PPFIA2: variants seen among roughly 807,000 people sequenced by gnomAD.
The protein encoded by PPFIA2 is PPFI scaffold protein A2.
Under a neutral mutation model 175.5 loss-of-function variants are expected in PPFIA2, and 46 were observed. The ratio of observed to expected loss-of-function variants is 0.26; its 90% CI spans 0.21 to 0.34. The LOEUF (loss-of-function observed/expected upper bound fraction) is 0.34. Among genes scored for constraint, PPFIA2 ranks in the 10% least tolerant of loss-of-function variants. PPFIA2 has a pLI of 1.00. For missense variants in PPFIA2, 1,179 were observed against 1,506.1 expected, an observed-to-expected ratio of 0.78 and a Z score of 3.60; for synonymous variants, 568 against 511.4, an observed-to-expected ratio of 1.11 and a Z score of -1.49.
At chr12:81,355,213 G>A (rs533968186) in intron 16 of PPFIA2, among the ~76,000 whole-genome samples, 108 of 152,262 alleles carry the variant, frequency 7.1e-4, no homozygotes, top group African/African-American at 2.4e-3. Context: ...CAGAGCTCTT[G>A]GGTGGCCAGG....
At chr12:81,735,369 C>T (rs938575799) in intron 3 of PPFIA2, among the ~76,000 whole-genome samples, 1 of 151,744 alleles carries the variant, frequency 6.6e-6, no homozygotes, top group Non-Finnish European at 1.5e-5. Context: ...ATATCTTCAT[C>T]TGCTTATTGA....
chr12:81,703,006 T>C (rs868495315), intron 3 of PPFIA2, among the ~76,000 whole-genome samples: 3 of 152,258 alleles, frequency 2.0e-5, no homozygotes, highest in Middle Eastern at 3.4e-3. Context: ...AAATGTCTGT[T>C]GTTTAAGCCA....
At chr12:81,429,713 C>T (rs545394179) in intron 7 of PPFIA2, among the ~76,000 whole-genome samples, 4 of 152,130 alleles carry the variant, frequency 2.6e-5, no homozygotes, top group African/African-American at 9.6e-5. Context: ...ACAACTTTAG[C>T]TCAATATTTG....
intron 3 of PPFIA2, among the ~76,000 whole-genome samples, chr12:81,732,403 AG>A (rs1159429406): frequency 6.6e-6 from 1 of 151,454 alleles, no homozygotes; most frequent in Non-Finnish European, 1.5e-5. Flanking sequence ...TGGGGAAAAG[AG>A]CAAGGACAGA....
intron 3 of PPFIA2, among the ~76,000 whole-genome samples, chr12:81,743,175 T>C (rs1012685415): frequency 2.0e-5 from 3 of 151,720 alleles, no homozygotes; most frequent in African/African-American, 7.3e-5. Flanking sequence ...TCCCAGTATT[T>C]TGGGAGGCCA....
chr12:81,594,359 G>C (rs779310128), intron 4 of PPFIA2, among the ~76,000 whole-genome samples: 1 of 152,052 alleles, frequency 6.6e-6, no homozygotes, highest in African/African-American at 2.4e-5. Context: ...ACATAGTTCT[G>C]ACAGATAATG....
intron 4 of PPFIA2, among the ~76,000 whole-genome samples, chr12:81,544,272 T>A (rs1249055397): frequency 6.6e-6 from 1 of 152,130 alleles, no homozygotes; most frequent in Non-Finnish European, 1.5e-5. Context: ...TCTCAGCAGA[T>A]AAAGAAATAA....
intron 22 of PPFIA2, 65 bp downstream of exon 22, chr12:81,325,712 T>A: frequency 1.7e-6 from 2 of 1,174,186 alleles, no homozygotes. Context: ...TCTTTTTAAT[T>A]CCCTATAAAT....
intron 4 of PPFIA2, among the ~76,000 whole-genome samples, chr12:81,526,621 A>T (rs1487804675): frequency 6.6e-6 from 1 of 152,246 alleles, no homozygotes; most frequent in East Asian, 1.9e-4. Context: ...CTAATTATTT[A>T]CAGGATGTCA....
chr12:81,568,248 C>G (rs1384644847), intron 4 of PPFIA2, among the ~76,000 whole-genome samples: 1 of 152,242 alleles, frequency 6.6e-6, no homozygotes, highest in East Asian at 1.9e-4. Context: ...GTGCAGGGTA[C>G]AGGTCATATA....
intron 4 of PPFIA2, among the ~76,000 whole-genome samples, chr12:81,629,795 T>C (rs1173978278): frequency 3.9e-5 from 6 of 152,138 alleles, no homozygotes; most frequent in Admixed American, 3.9e-4. Context: ...CTGCTGTTGT[T>C]GGTGAGCCAC....
chr12:81,740,411 A>G (rs1045911505), intron 3 of PPFIA2, among the ~76,000 whole-genome samples: 1 of 152,198 alleles, frequency 6.6e-6, no homozygotes, highest in Non-Finnish European at 1.5e-5. Context: ...ATTCAGAGAT[A>G]CTATTTTGTA....
chr12:81,455,665 C>T (rs1593255186), intron 5 of PPFIA2, among the ~76,000 whole-genome samples: 1 of 152,130 alleles, frequency 6.6e-6, no homozygotes, highest in Non-Finnish European at 1.5e-5. Flanking sequence ...GATTCTGTCA[C>T]CAAATCTCTT....
intron 4 of PPFIA2, among the ~76,000 whole-genome samples, chr12:81,546,969 T>G (rs1409938667): frequency 2.0e-5 from 3 of 151,998 alleles, no homozygotes; most frequent in Admixed American, 2.0e-4. Flanking sequence ...GGACGTCACT[T>G]CTCAGTTCCT....
At chr12:81,268,903 A>G (rs1412161801) in intron 28 of PPFIA2, among the ~76,000 whole-genome samples, 1 of 152,210 alleles carries the variant, frequency 6.6e-6, no homozygotes, top group African/African-American at 2.4e-5. Flanking sequence ...ACGGTAAAAT[A>G]ATATAAGGCA....
intron 4 of PPFIA2, among the ~76,000 whole-genome samples, chr12:81,614,323 T>A (rs1031790674): frequency 6.6e-6 from 1 of 151,978 alleles, no homozygotes; most frequent in African/African-American, 2.4e-5. Context: ...ATTTATAACA[T>A]CTCAGAAGAA....
At chr12:81,325,933 AG>A (rs2054668675) in intron 21 of PPFIA2, 63 bp from the exon 22 acceptor site, 1 of 1,200,924 alleles carries the variant, frequency 8.3e-7, no homozygotes, top group Non-Finnish European at 1.2e-6. Context: ...TTCTGAAGTC[AG>A]GTTGTTAAAG....
chr12:81,268,931 A>T (rs2038253495), intron 28 of PPFIA2, among the ~76,000 whole-genome samples: 1 of 152,234 alleles, frequency 6.6e-6, no homozygotes, highest in African/African-American at 2.4e-5. Flanking sequence ...ATGGATACTT[A>T]CCTTAGTATT....
At chr12:81,481,381 G>GA (rs199692305) in intron 4 of PPFIA2, among the ~76,000 whole-genome samples, 4 of 152,204 alleles carry the variant, frequency 2.6e-5, no homozygotes, top group East Asian at 1.9e-4. Flanking sequence ...CACAGAATTA[G>GA]AAAAAACTAC....
Sources: allele counts gnomAD v4.1 joint callset (sites outside exome capture counted in the v4.1 genomes callset), GRCh38; gene constraint gnomAD v4.1.1; transcripts MANE v1.5; gene names NCBI Gene and HGNC (gene_info 2026-07-23, HGNC 2026-07-21).